Variants in MBOAT2 observed in about 807,000 individuals in gnomAD.
MBOAT2 encodes the protein membrane bound glycerophospholipid O-acyltransferase 2, also known as membrane-bound glycerophospholipid O-acyltransferase 2.
Under a neutral mutation model 63.4 loss-of-function variants are expected in MBOAT2, and 28 were observed. The observed-to-expected ratio is 0.44, with a 90% confidence interval of 0.33 to 0.61. MBOAT2 has a LOEUF of 0.61. Ranked by LOEUF, MBOAT2 falls within the 20% of genes least tolerant of loss-of-function variation. The pLI is 0.03. For missense variants in MBOAT2, 470 were observed against 605.8 expected, an observed-to-expected ratio of 0.78 and a Z score of 2.35; for synonymous variants, 211 against 215.6, an observed-to-expected ratio of 0.98 and a Z score of 0.19.
chr2:8,968,349 A>T (rs2103301712), intron 1 of MBOAT2, among the ~76,000 whole-genome samples: 1 of 152,338 alleles, frequency 6.6e-6, no homozygotes, highest in South Asian at 2.1e-4. Flanking sequence ...TAACAAACAG[A>T]AAGGACATCC....
rs893246689 is a variant in MBOAT2, at chr2:8,868,322, G to A, written c.987+124C>T. 6.6e-6 allele frequency: 5 copies of A among 759,682 alleles called. No individual in the cohort carries two copies. The Admixed American group carries it at 7.8e-5, about 12-fold the overall frequency. 47.1% of individuals were successfully genotyped at this position (759,682 alleles called of 1,614,324 possible). A position where few individuals can be genotyped will look rare whatever the true frequency, so the allele number is the denominator to read the frequency against. ...GACGACCAATATGTATTGGTTAAAT[G>A]AAAGAATGAGTGTTAATATTAAAAA... On this transcript the variant is annotated intron_variant, in intron 9 of 12. Coordinates refer to ENST00000305997, the MANE Select transcript of MBOAT2 (RefSeq NM_138799.4).
intron 3 of MBOAT2, among the ~76,000 whole-genome samples, chr2:8,918,366 T>C (rs531189788): frequency 6.6e-5 from 10 of 152,222 alleles, no homozygotes; most frequent in Non-Finnish European, 1.2e-4. Context: ...CAGTGTGCAG[T>C]GCCTCTAAAC....
intron 1 of MBOAT2, among the ~76,000 whole-genome samples, chr2:8,964,230 A>G (rs1352603207): frequency 1.3e-5 from 2 of 152,192 alleles, no homozygotes; most frequent in Non-Finnish European, 2.9e-5. Flanking sequence ...GCATATTTTT[A>G]TACTTTTGCT....
intron 1 of MBOAT2, among the ~76,000 whole-genome samples, chr2:8,959,538 T>C (rs886263063): frequency 6.6e-6 from 1 of 151,782 alleles, no homozygotes; most frequent in African/African-American, 2.4e-5. Context: ...CACAGCTCAC[T>C]GCAGCCTCTA....
intron 6 of MBOAT2, among the ~76,000 whole-genome samples, chr2:8,878,116 G>A (rs560173069): frequency 8.5e-5 from 13 of 152,370 alleles, no homozygotes; most frequent in African/African-American, 2.4e-4. Flanking sequence ...TGCTCTGCAC[G>A]TATCCTGGCA....
chr2:8,929,487 G>A (rs1667167685), intron 3 of MBOAT2, among the ~76,000 whole-genome samples: 1 of 152,200 alleles, frequency 6.6e-6, no homozygotes, highest in Non-Finnish European at 1.5e-5. Flanking sequence ...AAGTAGCTGG[G>A]ACTGCAGGCA....
chr2:8,878,632 C>T (rs888127946), intron 6 of MBOAT2, among the ~76,000 whole-genome samples: 6 of 152,220 alleles, frequency 3.9e-5, no homozygotes, highest in Non-Finnish European at 7.3e-5. Context: ...CAAGCACACA[C>T]CACCTTGCCT....
chr2:8,981,688 A>G (rs1300920153), intron 1 of MBOAT2, among the ~76,000 whole-genome samples: 1 of 152,174 alleles, frequency 6.6e-6, no homozygotes. Context: ...AGGGGGAAAC[A>G]GGAAGGACAG....
At position 8,874,212 on chromosome 2, in the gene MBOAT2, A is replaced by T. The variant is rs550040236; in HGVS notation, c.691-912T>A. Among the ~76,000 whole-genome samples the T allele has an allele frequency of 9.8e-5, 15 of 152,358 alleles. No homozygotes were observed. The South Asian group carries it at 2.7e-3, about 27-fold the overall frequency. On this transcript the variant is annotated intron_variant, in intron 7 of 12. Coordinates refer to ENST00000305997, the MANE Select transcript of MBOAT2 (RefSeq NM_138799.4). Reference sequence around the variant, plus strand: ...AAGAGCCAAAGCATATGCCGGATGCACTGCACTTCTGAGAACAGTATTTTA... The same window carrying T: ...AAGAGCCAAAGCATATGCCGGATGCTCTGCACTTCTGAGAACAGTATTTTA...
chr2:8,991,042 G>GA (rs1648667850), intron 1 of MBOAT2, among the ~76,000 whole-genome samples: 1 of 152,064 alleles, frequency 6.6e-6, no homozygotes, highest in South Asian at 2.1e-4. Context: ...CTATTCTTGG[G>GA]ATATAGGTAA....
chr2:8,905,723 G>C (rs1056660463), intron 4 of MBOAT2, among the ~76,000 whole-genome samples: 6 of 152,170 alleles, frequency 3.9e-5, no homozygotes, highest in Non-Finnish European at 8.8e-5. Flanking sequence ...GTTAATGGGT[G>C]CAGCAAACCA....
At chr2:8,952,882 G>A (rs1179644906) in intron 2 of MBOAT2, among the ~76,000 whole-genome samples, 1 of 152,166 alleles carries the variant, frequency 6.6e-6, no homozygotes, top group East Asian at 1.9e-4. Context: ...GTGAGATGGG[G>A]CTCTTGAAAA....
intron 8 of MBOAT2, among the ~76,000 whole-genome samples, chr2:8,870,821 T>G (rs915901330): frequency 7.9e-5 from 12 of 152,354 alleles, no homozygotes; most frequent in African/African-American, 2.9e-4. Flanking sequence ...TATTCTAATA[T>G]GATTATTTCT....
At chr2:8,963,794 T>C (rs1669796359) in intron 1 of MBOAT2, among the ~76,000 whole-genome samples, 1 of 152,252 alleles carries the variant, frequency 6.6e-6, no homozygotes, top group African/African-American at 2.4e-5. Flanking sequence ...GAGCCTACTA[T>C]GCTTTTACTA....
At chr2:8,912,351 G>GAAAGAA (rs1553362293) in intron 3 of MBOAT2, among the ~76,000 whole-genome samples, 9 of 69,928 alleles carry the variant, frequency 1.3e-4, no homozygotes, top group East Asian at 5.0e-4. Flanking sequence ...AAGAAAGAAA[G>GAAAGAA]AGAAAGAAAG....
chr2:8,912,397 AAGAAAG>A (rs1429419093), intron 3 of MBOAT2, among the ~76,000 whole-genome samples: 2 of 141,924 alleles, frequency 1.4e-5, no homozygotes, highest in Non-Finnish European at 3.1e-5. Flanking sequence ...GAAAGAAAGA[AAGAAAG>A]AAAGAAAGAA....
At chr2:8,892,796 G>C (rs1352638711) in intron 4 of MBOAT2, among the ~76,000 whole-genome samples, 1 of 152,062 alleles carries the variant, frequency 6.6e-6, no homozygotes, top group Non-Finnish European at 1.5e-5. Context: ...AGAAAAGTAA[G>C]TTCAACAGCC....
Position 8,947,216 on chromosome 2 carries a change from C to G in MBOAT2, c.222-3952G>C, listed in dbSNP as rs1373600660. 4.6e-5 allele frequency among the ~76,000 whole-genome samples: 7 copies of G among 152,324 alleles called. No homozygotes were observed. In the South Asian group the frequency reaches 1.4e-3, roughly 32 times the overall value. The stretch of plus-strand genomic sequence containing the variant: ...GCCAAAGCCTAGTCCAGATCAAGAC[C>G]CTAACTCTCTTCAATTCTAGTAGGG... On this transcript the variant is annotated intron_variant, in intron 2 of 12. Transcript: ENST00000305997.
chr2:8,865,458 G>A (rs1380059729), intron 9 of MBOAT2, among the ~76,000 whole-genome samples: 1 of 152,004 alleles, frequency 6.6e-6, no homozygotes, highest in African/African-American at 2.4e-5. Flanking sequence ...CTCCTTTAGG[G>A]CCAATGTCTC....
Sources: allele counts gnomAD v4.1 joint callset (sites outside exome capture counted in the v4.1 genomes callset), GRCh38; gene constraint gnomAD v4.1.1; transcripts MANE v1.5; gene names NCBI Gene and HGNC (gene_info 2026-07-23, HGNC 2026-07-21).